Variants in AKAP19 observed in about 807,000 individuals in gnomAD.
AKAP19 encodes A-kinase anchoring protein 19.
chr2:190,147,925 C>T, the AKAP19 span, among the ~76,000 whole-genome samples: 1 of 152,100 alleles, frequency 6.6e-6, no homozygotes. Context: ...TTAGGGTTTT[C>T]AAGGTAAACG....
At chr2:190,057,124 A>G in the AKAP19 span, 2 of 873,332 alleles carry the variant, frequency 2.3e-6, no homozygotes, top group South Asian at 1.7e-5. Context: ...TTTAGTTTAC[A>G]TACTGTAGCT....
At chr2:190,068,423 G>A in the AKAP19 span, among the ~76,000 whole-genome samples, 16 of 152,226 alleles carry the variant, frequency 1.1e-4, no homozygotes, top group South Asian at 1.7e-3. Flanking sequence ...TCTGCCTCCC[G>A]GGTTCAAGCG....
chr2:190,009,381 A>G, the AKAP19 span, among the ~76,000 whole-genome samples: 1 of 152,272 alleles, frequency 6.6e-6, no homozygotes, highest in South Asian at 2.1e-4. Context: ...AAATGTTAAG[A>G]AATGTTGGAT....
chr2:190,000,940 C>T, the AKAP19 span, among the ~76,000 whole-genome samples: 4 of 151,990 alleles, frequency 2.6e-5, no homozygotes, highest in African/African-American at 9.7e-5. Flanking sequence ...TGCGGGGACT[C>T]CCATTACATG....
At chr2:190,091,322 G>A in the AKAP19 span, among the ~76,000 whole-genome samples, 1 of 152,102 alleles carries the variant, frequency 6.6e-6, no homozygotes, top group Non-Finnish European at 1.5e-5. Flanking sequence ...TATTATTACA[G>A]AAAGTTCCAG....
chr2:189,921,762 G>A, the AKAP19 span, among the ~76,000 whole-genome samples: 9 of 152,192 alleles, frequency 5.9e-5, no homozygotes, highest in African/African-American at 1.9e-4. Context: ...AATTTGTGTA[G>A]TATGATCAGC....
At chr2:190,143,346 G>A in the AKAP19 span, among the ~76,000 whole-genome samples, 25 of 148,964 alleles carry the variant, frequency 1.7e-4, no homozygotes, top group African/African-American at 3.0e-4. Context: ...GGAACATGCC[G>A]TTCCCTGTGC....
chr2:190,196,869 G>C, the AKAP19 span, among the ~76,000 whole-genome samples: 2 of 152,026 alleles, frequency 1.3e-5, no homozygotes, highest in African/African-American at 2.4e-5. Context: ...CATTCAGGAT[G>C]GTATAACAAA....
At chr2:190,099,777 AT>A in the AKAP19 span, among the ~76,000 whole-genome samples, 1 of 152,126 alleles carries the variant, frequency 6.6e-6, no homozygotes, top group South Asian at 2.1e-4. Flanking sequence ...AAGTAAATAC[AT>A]TTTTTGAAAC....
chr2:189,882,130 C>T, the AKAP19 span, among the ~76,000 whole-genome samples: 4 of 152,146 alleles, frequency 2.6e-5, no homozygotes, highest in African/African-American at 9.7e-5. Context: ...GGCTCCTGGG[C>T]CTGTCAGAAA....
the AKAP19 span, among the ~76,000 whole-genome samples, chr2:190,050,760 A>G: frequency 7.9e-5 from 12 of 150,982 alleles, no homozygotes; most frequent in African/African-American, 2.7e-4. Context: ...TAAAGATCTC[A>G]TGAGCCAATG....
the AKAP19 span, among the ~76,000 whole-genome samples, chr2:190,027,737 A>G: frequency 1.3e-5 from 2 of 152,196 alleles, no homozygotes; most frequent in African/African-American, 4.8e-5. Flanking sequence ...AATGTCTGTC[A>G]TCAGTGGTGT....
the AKAP19 span, among the ~76,000 whole-genome samples, chr2:190,005,205 C>T: frequency 6.6e-6 from 1 of 152,310 alleles, no homozygotes; most frequent in East Asian, 1.9e-4. Flanking sequence ...ATCAACAAAG[C>T]TTCCGCAGCA....
the AKAP19 span, among the ~76,000 whole-genome samples, chr2:190,068,155 A>G: frequency 0.024 from 3,609 of 152,192 alleles, 162 homozygotes; most frequent in African/African-American, 0.082. Flanking sequence ...CCCCTCCTCG[A>G]TTATTACAAT....
At chr2:189,897,808 C>A in the AKAP19 span, among the ~76,000 whole-genome samples, 3 of 152,118 alleles carry the variant, frequency 2.0e-5, no homozygotes, top group Admixed American at 6.5e-5. Flanking sequence ...ATCTTTATTT[C>A]AGCAAAATGC....
the AKAP19 span, among the ~76,000 whole-genome samples, chr2:190,017,479 A>G: frequency 2.2e-4 from 33 of 152,250 alleles, no homozygotes; most frequent in African/African-American, 6.7e-4. Flanking sequence ...TAGACATTGT[A>G]TACATATAAC....
the AKAP19 span, among the ~76,000 whole-genome samples, chr2:190,198,195 G>A: frequency 6.9e-6 from 1 of 145,422 alleles, no homozygotes; most frequent in African/African-American, 2.8e-5. Context: ...ACTCTTATTA[G>A]GGGTAGGAAC....
chr2:189,890,243 T>A, the AKAP19 span, among the ~76,000 whole-genome samples: 11 of 152,336 alleles, frequency 7.2e-5, no homozygotes, highest in African/African-American at 2.6e-4. Flanking sequence ...TCAAGTGAGT[T>A]TCTTAATTCT....
At chr2:189,879,830 A>G in the AKAP19 span, 1 of 152,242 alleles carries the variant, frequency 6.6e-6, no homozygotes, top group Non-Finnish European at 1.5e-5. Context: ...CTTTTAAGGT[A>G]TGAGTTCTAA....
Sources: gnomAD v4.1 joint callset for allele counts (sites outside exome capture counted in the v4.1 genomes callset) on GRCh38, gnomAD v4.1.1 for gene constraint, MANE v1.5 for transcripts, NCBI Gene and HGNC (gene_info 2026-07-23, HGNC 2026-07-21) for gene names.